RYR1: variants seen among roughly 807,000 people sequenced by gnomAD.
RYR1 encodes ryanodine receptor 1.
In RYR1, 342 loss-of-function variants were observed where a neutral mutation model predicts 583.5. The ratio of observed to expected loss-of-function variants is 0.59; its 90% CI spans 0.54 to 0.64. The LOEUF is 0.64. Ranked by LOEUF, RYR1 falls within the 30% of genes least tolerant of loss-of-function variation. The pLI, the probability that RYR1 is intolerant of heterozygous loss-of-function variation, is 0.00. For missense variants in RYR1, 6,032 were observed against 6,917.2 expected (o/e 0.87, Z 4.54); for synonymous variants, 2,791 against 2,822.5 (o/e 0.99, Z 0.35).
intron 1 of RYR1, among the ~76,000 whole-genome samples, chr19:38,438,972 A>G (rs975062584): frequency 6.6e-6 from 1 of 151,648 alleles, no homozygotes; most frequent in African/African-American, 2.4e-5. Flanking sequence ...CAGCCTCCCA[A>G]ACTGTTGAGA....
At chr19:38,494,734 C>A (rs1383781086) in intron 39 of RYR1, 109 bp downstream of exon 39, 8 of 1,398,894 alleles carry the variant, frequency 5.7e-6, no homozygotes, top group African/African-American at 2.8e-5. Flanking sequence ...TCTGGGTGAT[C>A]TCAGTCTCTC....
intron 96 of RYR1, among the ~76,000 whole-genome samples, chr19:38,575,091 A>G (rs1471687550): frequency 6.6e-6 from 1 of 152,100 alleles, no homozygotes; most frequent in Non-Finnish European, 1.5e-5. Flanking sequence ...TTAGGGCATC[A>G]ATTTGTCACT....
chr19:38,554,580 T>C (rs949202066), intron 89 of RYR1, among the ~76,000 whole-genome samples: 2 of 151,938 alleles, frequency 1.3e-5, no homozygotes, highest in Non-Finnish European at 2.9e-5. Context: ...ACATCTACTA[T>C]AGCTTGGAAG....
At position 38,561,489 on chromosome 19, in the gene RYR1, T is replaced by C. The variant is rs1259130282; in HGVS notation, c.12624+35T>C. On this transcript the variant is annotated intron_variant, in intron 90 of 105. Transcript: ENST00000359596. This position sits in a 1 kb window ranked among gnomAD's most constrained non-coding sequence, Gnocchi z 4.8. ...CCCGCGCGCGTGCAAGCTCGCCTCC[T>C]GGGGCTTCGGGCATGCGGGTGCTCA... The C allele has an allele frequency of 1.9e-6, 3 of 1,583,304 alleles. No homozygotes were observed. The highest frequency in any genetic ancestry group is 2.6e-6 in the Non-Finnish European group (3 of 1,166,936).
intron 64 of RYR1, 46 bp downstream of exon 64, chr19:38,515,153 G>C: frequency 7.3e-6 from 6 of 816,752 alleles, no homozygotes; most frequent in South Asian, 1.3e-5. Flanking sequence ...GGCTGGAGGG[G>C]AAGGGAGGGA....
Position 38,440,799 on chromosome 19 carries a change from C to A in RYR1, c.100C>A (p.Leu34Ile). The change falls in exon 2 of 106, where the codon CTC (leucine) becomes ATC (isoleucine). Residue 34 changes from leucine (L) to isoleucine (I), a missense_variant. Leu to Ile is a conservative substitution (Grantham distance 5). Around this residue, in one of 11 missense-constraint regions of RYR1, gnomAD observed 71 missense variants for 75.3 expected, o/e 0.94. Coordinates refer to ENST00000359596, the MANE Select transcript of RYR1 (RefSeq NM_000540.3). ...SATVLKEQLK[L>I]CLAAEGFGNR... is the part of the protein sequence containing the mutation. ...TACCGTGCTCAAGGAGCAGCTCAAG[C>A]TCTGCCTGGCCGCCGAGGGCTTCGG... 1 of 1,609,210 alleles carries A rather than the reference C, an allele frequency of 6.2e-7. No homozygotes were observed. Among genetic ancestry groups the A allele is most frequent in the Middle Eastern group, 1.8e-4 (1 of 5,688 alleles).
chr19:38,546,610 T>A, intron 88 of RYR1, 84 bp downstream of exon 88: 2 of 1,085,920 alleles, frequency 1.8e-6, no homozygotes, highest in Non-Finnish European at 1.4e-6. Flanking sequence ...CGGGAGACCC[T>A]AATCCTCAAC....
chr19:38,525,285 G>A (rs1351967488), intron 70 of RYR1, 47 bp from the exon 71 acceptor site: 14 of 1,612,568 alleles, frequency 8.7e-6, no homozygotes, highest in Non-Finnish European at 1.1e-5. Flanking sequence ...TGGGGCTGAG[G>A]CATGGGATTG....
intron 92 of RYR1, 148 bp downstream of exon 92, chr19:38,567,135 C>CT (rs2145853481): frequency 7.7e-7 from 1 of 1,304,322 alleles, no homozygotes; most frequent in Admixed American, 2.4e-5. Context: ...AGGAGGGGCT[C>CT]TGAGTAAAAG....
chr19:38,489,102 T>C, intron 34 of RYR1, 75 bp from the exon 35 acceptor site: 32 of 1,296,620 alleles, frequency 2.5e-5, no homozygotes, highest in Non-Finnish European at 3.3e-5. Context: ...GAGGGGCAGG[T>C]CTGGAGAATG....
At chr19:38,527,853 G>T (rs1376749769) in intron 73 of RYR1, 69 bp downstream of exon 73, 5 of 1,579,086 alleles carry the variant, frequency 3.2e-6, no homozygotes, top group East Asian at 2.2e-5. Context: ...GGGGCTTCAA[G>T]GATGTGGGTG....
At chr19:38,529,866 G>A (rs1437612363) in intron 76 of RYR1, among the ~76,000 whole-genome samples, 1 of 152,154 alleles carries the variant, frequency 6.6e-6, no homozygotes, top group Non-Finnish European at 1.5e-5. Context: ...CAAGCTAAGC[G>A]GGGATATCTA....
At chr19:38,514,884 T>C (rs549635032) in intron 63 of RYR1, 142 bp from the exon 64 acceptor site, 1 of 691,282 alleles carries the variant, frequency 1.4e-6, no homozygotes, top group South Asian at 1.5e-5. Flanking sequence ...CTTGCTCAAG[T>C]CACAAGACTC....
intron 54 of RYR1, 38 bp downstream of exon 54, chr19:38,505,984 G>C (rs756304123): frequency 2.5e-6 from 4 of 1,600,612 alleles, no homozygotes; most frequent in Non-Finnish European, 3.4e-6. Flanking sequence ...GGGGCACGAT[G>C]GGGGGAGGGT....
chr19:38,570,221 A>G (rs2145863864), intron 93 of RYR1, among the ~76,000 whole-genome samples: 1 of 152,118 alleles, frequency 6.6e-6, no homozygotes, highest in East Asian at 1.9e-4. Context: ...ACTTAGGCTG[A>G]GGAGGGCGGA....
In RYR1 at chr19:38,525,399, C is replaced by T; in HGVS notation, c.10523C>T (p.Ser3508Leu). The T allele has an allele frequency of 1.9e-6, 3 of 1,613,992 alleles. No individual in the cohort carries two copies. The highest frequency in any genetic ancestry group is 2.5e-6 in the Non-Finnish European group (3 of 1,179,966). The change falls in exon 71 of 106, where the codon TCA (serine) becomes TTA (leucine). Residue 3508 changes from serine (S) to leucine (L), a missense_variant. Ser to Leu is a moderately radical substitution (Grantham distance 145). Coordinates refer to ENST00000359596, the MANE Select transcript of RYR1 (RefSeq NM_000540.3). ...GGGGACCGGTACTCTGTGCAGACGT[C>T]ACTGATCGTGGCCACACTGAAGAAG... ...RRGDRYSVQT[S>L]LIVATLKKML...
rs1278291153 is a variant in RYR1, at chr19:38,561,019, C to T, written c.12283-94C>T. 33 of 1,179,520 alleles carry T rather than the reference C, an allele frequency of 2.8e-5. No individual in the cohort carries two copies. The highest frequency in any genetic ancestry group is 3.6e-5 in the Non-Finnish European group (30 of 828,426). 73.1% of individuals were successfully genotyped at this position (1,179,520 alleles called of 1,614,324 possible). A position where few individuals can be genotyped will look rare whatever the true frequency, so the allele number is the denominator to read the frequency against. ...TTGCGCCACTGCACTCCAGCCTGGG[C>T]GACACAGCGAGACCTTGTCTTAAAA... On this transcript the variant is annotated intron_variant, in intron 89 of 105. Transcript: ENST00000359596. This position sits in a 1 kb window ranked among gnomAD's most constrained non-coding sequence, Gnocchi z 4.8.
rs372928743 is a variant in RYR1, at chr19:38,494,569, G to A, written c.6492G>A (p.Ser2164=). ...SLLECLGQIR[S]LLIVQMGPQE... ...TCGAGTGCCTCGGCCAGATCCGCTCGCTGCTCATCGTGCAGATGGGCCCCC... is the reference window on the plus strand; with the variant it reads ...TCGAGTGCCTCGGCCAGATCCGCTCACTGCTCATCGTGCAGATGGGCCCCC... The change falls in exon 39 of 106, where the codon TCG becomes TCA. Residue 2164 remains serine (S), a synonymous_variant. Coordinates refer to ENST00000359596, the MANE Select transcript of RYR1 (RefSeq NM_000540.3). 5.6e-6 allele frequency: 9 copies of A among 1,614,010 alleles called. No homozygotes were observed. Among genetic ancestry groups the A allele is most frequent in the African/African-American group, 4.0e-5 (3 of 74,948 alleles).
intron 88 of RYR1, among the ~76,000 whole-genome samples, chr19:38,547,149 C>A: frequency 6.6e-6 from 1 of 151,480 alleles, no homozygotes; most frequent in Non-Finnish European, 1.5e-5. Flanking sequence ...ACGCCATTCT[C>A]CTGCTTGGCC....
Sources: gnomAD v4.1 joint callset for allele counts (sites outside exome capture counted in the v4.1 genomes callset) on GRCh38, gnomAD v4.1.1 for gene constraint, gnomAD v4.1.1 regional missense constraint, Gnocchi (gnomAD v3.1) non-coding constraint, MANE v1.5 for transcripts, NCBI Gene and HGNC (gene_info 2026-07-23, HGNC 2026-07-21) for gene names.